RASGEF1C: variants seen among roughly 807,000 people sequenced by gnomAD.
RASGEF1C encodes ras-GEF domain-containing family member 1C.
In RASGEF1C, 27 loss-of-function variants were observed where a neutral mutation model predicts 58.1. That is an observed-to-expected ratio of 0.46 (90% CI 0.34 to 0.64). The LOEUF (loss-of-function observed/expected upper bound fraction) is 0.64. Ranked by LOEUF, RASGEF1C falls within the 30% of genes least tolerant of loss-of-function variation. The pLI is 0.01. For synonymous variants in RASGEF1C, 243 were observed against 246.3 expected (o/e 0.99, Z 0.13); for missense variants, 502 against 605.1 (o/e 0.83, Z 1.79).
At chr5:180,208,778 G>GCGGCAGAGCTGGGTCTCC (rs1171963907) in intron 1 of RASGEF1C, among the ~76,000 whole-genome samples, 184 of 152,022 alleles carry the variant, frequency 1.2e-3, no homozygotes, top group Non-Finnish European at 2.4e-3. Flanking sequence ...CTGGCGGCGC[G>GCGGCAGAGCTGGGTCTCC]CGGCAGAGCT....
chr5:180,200,514 C>T (rs912760099), intron 1 of RASGEF1C, among the ~76,000 whole-genome samples: 18 of 151,738 alleles, frequency 1.2e-4, no homozygotes, highest in South Asian at 2.1e-4. Flanking sequence ...GGGGTTTCAC[C>T]GTGTTAGCCA....
At chr5:180,141,979 A>T (rs1370039766) in intron 1 of RASGEF1C, among the ~76,000 whole-genome samples, 6 of 152,152 alleles carry the variant, frequency 3.9e-5, no homozygotes, top group Admixed American at 3.3e-4. Context: ...TGATGATGGG[A>T]CAATTGTTTA....
chr5:180,152,142 A>G (rs892925746), intron 1 of RASGEF1C, among the ~76,000 whole-genome samples: 14 of 151,882 alleles, frequency 9.2e-5, no homozygotes, highest in Non-Finnish European at 1.5e-4. Context: ...TAGTTCAACC[A>G]TTGTGGAAGT....
chr5:180,107,211 C>T (rs964889592), intron 12 of RASGEF1C, among the ~76,000 whole-genome samples: 6 of 152,180 alleles, frequency 3.9e-5, no homozygotes, highest in Non-Finnish European at 8.8e-5. Context: ...TTTAAAAAAT[C>T]GACTTTGTCA....
At position 180,158,847 on chromosome 5, in the gene RASGEF1C, C is replaced by T. The variant is rs1365924393; in HGVS notation, c.-6-20789G>A. 6.6e-6 allele frequency among the ~76,000 whole-genome samples: 1 copy of T among 152,074 alleles called. No individual in the cohort carries two copies. The highest frequency in any genetic ancestry group is 1.5e-5 in the Non-Finnish European group (1 of 68,022). On this transcript the variant is annotated intron_variant, in intron 1 of 13. Coordinates refer to ENST00000361132, the MANE Select transcript of RASGEF1C (RefSeq NM_175062.4). The surrounding 1 kb of genome is among the most constrained non-coding windows in gnomAD (Gnocchi z 4.0). The stretch of plus-strand genomic sequence containing the variant: ...ATCATTTCACAGATGGTTTCCTCTC[C>T]TTCATTTTCTCTGTCTAGAATTCTT...
chr5:180,205,315 T>C (rs554147309), intron 1 of RASGEF1C, among the ~76,000 whole-genome samples: 9 of 151,902 alleles, frequency 5.9e-5, no homozygotes, highest in East Asian at 1.9e-4. Flanking sequence ...AAAGATATAA[T>C]TGAAGAAAAA....
intron 12 of RASGEF1C, among the ~76,000 whole-genome samples, chr5:180,103,336 C>T (rs1200326582): frequency 2.0e-5 from 3 of 152,242 alleles, no homozygotes; most frequent in African/African-American, 4.8e-5. Context: ...CTCGGCCTCC[C>T]AGAGTGCTGA....
intron 12 of RASGEF1C, among the ~76,000 whole-genome samples, chr5:180,108,532 T>C (rs1287743310): frequency 6.6e-6 from 1 of 152,120 alleles, no homozygotes; most frequent in Non-Finnish European, 1.5e-5. Flanking sequence ...GTTGTTCAGA[T>C]TGTATAATTT....
intron 4 of RASGEF1C, chr5:180,135,072 C>G (rs1438431982): frequency 1.0e-5 from 1 of 98,642 alleles, no homozygotes; most frequent in African/African-American, 3.2e-5. Context: ...ATCAACTGTT[C>G]CCTGGCCCTG....
intron 1 of RASGEF1C, among the ~76,000 whole-genome samples, chr5:180,202,141 T>C (rs1561760348): frequency 6.6e-6 from 1 of 152,134 alleles, no homozygotes; most frequent in Non-Finnish European, 1.5e-5. Flanking sequence ...GAAGACTGAA[T>C]TAGAAAATCT....
chr5:180,162,437 C>T (rs1037952756), intron 1 of RASGEF1C, among the ~76,000 whole-genome samples: 7 of 152,198 alleles, frequency 4.6e-5, no homozygotes, highest in African/African-American at 9.7e-5. Context: ...ACGGCCTGGG[C>T]GTGTAACTGG....
chr5:180,120,307 G>T (rs1239953450), intron 7 of RASGEF1C, among the ~76,000 whole-genome samples: 1 of 152,192 alleles, frequency 6.6e-6, no homozygotes. Context: ...GAGCCAGGTG[G>T]GGGACAGAGG....
Position 180,107,175 on chromosome 5 carries a change from T to C in RASGEF1C, c.1303+4282A>G, listed in dbSNP as rs575996562. 3.9e-5 allele frequency among the ~76,000 whole-genome samples: 6 copies of C among 152,354 alleles called. No homozygotes were observed. In the East Asian group the frequency reaches 7.7e-4, roughly 20 times the overall value. ...CTATCATTATAGTGAAGTGAGTTTC[T>C]TGTAGATAGCCTATAGTTGGATCAT... On this transcript the variant is annotated intron_variant, in intron 12 of 13. Coordinates refer to ENST00000361132, the MANE Select transcript of RASGEF1C (RefSeq NM_175062.4).
At chr5:180,165,690 G>T (rs1224877649) in intron 1 of RASGEF1C, among the ~76,000 whole-genome samples, 2 of 139,852 alleles carry the variant, frequency 1.4e-5, no homozygotes, top group South Asian at 2.3e-4. Flanking sequence ...AAAAATTCTT[G>T]TTCCCCTTTA....
chr5:180,174,165 T>A (rs562881958), intron 1 of RASGEF1C, among the ~76,000 whole-genome samples: 3 of 152,202 alleles, frequency 2.0e-5, no homozygotes, highest in East Asian at 1.9e-4. Flanking sequence ...GCAGACTGTT[T>A]ATCTGAAAAT....
chr5:180,169,928 G>A (rs1419455572), intron 1 of RASGEF1C, among the ~76,000 whole-genome samples: 2 of 152,046 alleles, frequency 1.3e-5, no homozygotes, highest in Admixed American at 6.5e-5. Flanking sequence ...CCAGGCCTCC[G>A]CAGGGCTTCT....
intron 1 of RASGEF1C, among the ~76,000 whole-genome samples, chr5:180,167,922 G>GT (rs1767044983): frequency 6.6e-6 from 1 of 152,190 alleles, no homozygotes; most frequent in African/African-American, 2.4e-5. Flanking sequence ...GCTTCTGTGG[G>GT]TTGTGGTTCC....
intron 1 of RASGEF1C, among the ~76,000 whole-genome samples, chr5:180,174,106 A>G (rs778780390): frequency 1.2e-4 from 19 of 152,050 alleles, no homozygotes; most frequent in Non-Finnish European, 2.4e-4. Flanking sequence ...CACTCAGTGC[A>G]TGGAGCCTGG....
At chr5:180,174,903 C>A (rs62406137) in intron 1 of RASGEF1C, among the ~76,000 whole-genome samples, 31,199 of 152,136 alleles carry the variant, frequency 0.21, 3,398 homozygotes, top group Non-Finnish European at 0.23. Context: ...CATGAGGTCA[C>A]GAGACTGTCC....
Sources: allele counts gnomAD v4.1 joint callset (sites outside exome capture counted in the v4.1 genomes callset), GRCh38; gene constraint gnomAD v4.1.1; non-coding constraint Gnocchi (gnomAD v3.1); transcripts MANE v1.5; gene names NCBI Gene and HGNC (gene_info 2026-07-23, HGNC 2026-07-21).